PRKCA: variants seen among roughly 807,000 people sequenced by gnomAD.
The protein encoded by PRKCA is protein kinase C alpha type.
PRKCA carries 27 observed loss-of-function variants against 87.0 expected under a neutral mutation model. That is an observed-to-expected ratio of 0.31 (90% CI 0.23 to 0.43). The LOEUF is 0.43. PRKCA is among the 20% of genes least tolerant of loss of function. The probability of loss-of-function intolerance (pLI) is 1.00; values close to 1 mark genes in which losing one functional copy is unlikely to be tolerated. For synonymous variants in PRKCA, 329 were observed against 311.1 expected (o/e 1.06, Z -0.61); for missense variants, 518 against 852.3 (o/e 0.61, Z 4.88).
intron 2 of PRKCA, among the ~76,000 whole-genome samples, chr17:66,444,942 A>AAC (rs1341607092): frequency 2.6e-5 from 4 of 152,180 alleles, no homozygotes; most frequent in Admixed American, 6.5e-5. Flanking sequence ...CACAACACAC[A>AAC]ACACACACAC....
chr17:66,687,101 C>G lies in PRKCA; in HGVS notation c.530-10C>G, dbSNP rs749494366. The G allele has an allele frequency of 6.2e-7, 1 of 1,602,614 alleles. No individual in the cohort carries two copies. The highest frequency in any genetic ancestry group is 8.5e-7 in the Non-Finnish European group (1 of 1,172,112). On this transcript the variant is annotated splice_polypyrimidine_tract_variant and intron_variant, in intron 5 of 16. Coordinates refer to ENST00000413366, the MANE Select transcript of PRKCA (RefSeq NM_002737.3). ...CTTTTTGTAATATTTTCTTCCTTCTCTCTTCACAGTACGAGATGCAAAAAA... is the reference window on the plus strand; with the variant it reads ...CTTTTTGTAATATTTTCTTCCTTCTGTCTTCACAGTACGAGATGCAAAAAA...
In PRKCA at chr17:66,742,770, C is replaced by T; in HGVS notation, c.1524+10C>T. 6.2e-7 allele frequency: 1 copy of T among 1,612,298 alleles called. No homozygotes were observed. The highest frequency in any genetic ancestry group is 1.7e-5 in the Admixed American group (1 of 59,820). ...TTATATCGCCCCAGAGGTAGGAACCCCAGTGATCGTTTTCTCAACCAGGAC... is the reference window on the plus strand; with the variant it reads ...TTATATCGCCCCAGAGGTAGGAACCTCAGTGATCGTTTTCTCAACCAGGAC... On this transcript the variant is annotated intron_variant, in intron 13 of 16. Transcript: ENST00000413366.
intron 3 of PRKCA, among the ~76,000 whole-genome samples, chr17:66,574,656 C>G (rs1030348378): frequency 1.3e-5 from 2 of 151,516 alleles, no homozygotes; most frequent in African/African-American, 4.9e-5. Context: ...GAAATCCCCA[C>G]TGGAGCATTT....
In PRKCA at chr17:66,496,315, A is replaced by C. The variant is rs369435192; in HGVS notation, c.288+32A>C. 18 of 1,567,766 alleles carry C rather than the reference A, an allele frequency of 1.1e-5. 1 individual carries two copies. The African/African-American group carries it at 1.8e-4, about 15-fold the overall frequency. ...AGTCCTGAAATCATGATTTGATGTC[A>C]ATGTGGATTTCTGAGCTTTAATTTT... On this transcript the variant is annotated intron_variant, in intron 3 of 16. Transcript: ENST00000413366.
chr17:66,424,568 A>ACACACACACACACACACACACAC lies in PRKCA; in HGVS notation c.206-71633_206-71632insCACACACACACACACACACACAC, dbSNP rs1598660738. Among the ~76,000 whole-genome samples the ACACACACACACACACACACACAC allele has an allele frequency of 4.1e-3, 579 of 142,046 alleles. 7 individuals are homozygous for ACACACACACACACACACACACAC. Among genetic ancestry groups the ACACACACACACACACACACACAC allele is most frequent in the East Asian group, 0.03 (143 of 4,794 alleles). The allele number at this position is 142,046 out of a possible 152,430, so 93.2% of individuals were successfully genotyped here. On this transcript the variant is annotated intron_variant, in intron 2 of 16. Transcript: ENST00000413366. ...GGCAGCAGAGCACGACCCTGTCTCA[A>ACACACACACACACACACACACAC]ACACACACACACACACACACACACA...
At chr17:66,749,952 C>T (rs1368642473) in intron 13 of PRKCA, among the ~76,000 whole-genome samples, 1 of 152,184 alleles carries the variant, frequency 6.6e-6, no homozygotes, top group East Asian at 1.9e-4. Flanking sequence ...GGGACATCAT[C>T]CCAGGTCCCC....
At chr17:66,448,649 C>T (rs1914156862) in intron 2 of PRKCA, among the ~76,000 whole-genome samples, 1 of 152,126 alleles carries the variant, frequency 6.6e-6, no homozygotes, top group Admixed American at 6.5e-5. Context: ...GAAAGTCTCT[C>T]CTTTCAGAAG....
intron 14 of PRKCA, among the ~76,000 whole-genome samples, chr17:66,782,850 A>T (rs1975274444): frequency 6.6e-6 from 1 of 152,198 alleles, no homozygotes; most frequent in Admixed American, 6.5e-5. Flanking sequence ...ATAATGGCTA[A>T]GAGCCCCAGG....
chr17:66,394,907 A>G (rs1484224122), intron 2 of PRKCA, among the ~76,000 whole-genome samples: 1 of 152,202 alleles, frequency 6.6e-6, no homozygotes. Flanking sequence ...CTCCCCAGCC[A>G]TGCTGAACTG....
At chr17:66,729,563 C>T (rs995996443) in intron 8 of PRKCA, among the ~76,000 whole-genome samples, 10 of 152,162 alleles carry the variant, frequency 6.6e-5, no homozygotes, top group African/African-American at 2.2e-4. Context: ...CTTTATGGGC[C>T]TTCTACGTTT....
intron 2 of PRKCA, among the ~76,000 whole-genome samples, chr17:66,377,718 TATA>T (rs1273562571): frequency 4.6e-4 from 28 of 60,768 alleles, no homozygotes; most frequent in South Asian, 7.2e-4. Flanking sequence ...TATATATATA[TATA>T]TTTTTTTTTT....
chr17:66,431,838 A>T (rs1913113301), intron 2 of PRKCA, among the ~76,000 whole-genome samples: 1 of 152,190 alleles, frequency 6.6e-6, no homozygotes, highest in Admixed American at 6.5e-5. Context: ...GCCAATAATT[A>T]AGTATAGCAG....
At chr17:66,509,982 C>T (rs1445780630) in intron 3 of PRKCA, among the ~76,000 whole-genome samples, 1 of 152,046 alleles carries the variant, frequency 6.6e-6, no homozygotes, top group Non-Finnish European at 1.5e-5. Context: ...CAAGCTTGTC[C>T]AACCCACCTT....
chr17:66,309,874 A>C (rs946075730), intron 2 of PRKCA, among the ~76,000 whole-genome samples: 2 of 152,128 alleles, frequency 1.3e-5, no homozygotes, highest in Non-Finnish European at 2.9e-5. Flanking sequence ...GTTGAGTTTC[A>C]AGTCTGGAAG....
intron 2 of PRKCA, among the ~76,000 whole-genome samples, chr17:66,328,927 G>A (rs181577180): frequency 8.5e-5 from 13 of 152,350 alleles, no homozygotes; most frequent in Admixed American, 8.5e-4. Flanking sequence ...TTTAATCCGT[G>A]TTAAAAATTC....
At position 66,552,847 on chromosome 17, in the gene PRKCA, C is replaced by T. The variant is rs528968219; in HGVS notation, c.288+56564C>T. ...GAGAGCCATGTCAGATGCCGCCTCCCGCCATGTATGATGAAATACACTATA... is the reference window on the plus strand; with the variant it reads ...GAGAGCCATGTCAGATGCCGCCTCCTGCCATGTATGATGAAATACACTATA... On this transcript the variant is annotated intron_variant, in intron 3 of 16. Coordinates refer to ENST00000413366, the MANE Select transcript of PRKCA (RefSeq NM_002737.3). Among the ~76,000 whole-genome samples, 96 of 152,272 alleles carry T rather than the reference C, an allele frequency of 6.3e-4. 1 individual carries two copies. The highest frequency in any genetic ancestry group is 1.5e-3 in the East Asian group (8 of 5,184).
At chr17:66,420,357 T>TGACTAA (rs1912419318) in intron 2 of PRKCA, among the ~76,000 whole-genome samples, 1 of 152,164 alleles carries the variant, frequency 6.6e-6, no homozygotes, top group Non-Finnish European at 1.5e-5. Context: ...GTCTAAGCTT[T>TGACTAA]AGTCAAGAGT....
chr17:66,319,328 G>GA (rs1225681894), intron 2 of PRKCA, among the ~76,000 whole-genome samples: 1 of 152,174 alleles, frequency 6.6e-6, no homozygotes, highest in Non-Finnish European at 1.5e-5. Flanking sequence ...CTGGAAAATA[G>GA]AAAGCATTTG....
intron 8 of PRKCA, among the ~76,000 whole-genome samples, chr17:66,707,008 G>T (rs191849816): frequency 2.8e-4 from 43 of 152,280 alleles, no homozygotes; most frequent in African/African-American, 8.9e-4. Flanking sequence ...GCTTGTTAGT[G>T]CAGGACCCAG....
Sources: allele counts gnomAD v4.1 joint callset (sites outside exome capture counted in the v4.1 genomes callset), GRCh38; gene constraint gnomAD v4.1.1; transcripts MANE v1.5; gene names NCBI Gene and HGNC (gene_info 2026-07-23, HGNC 2026-07-21).